WNT5B: variants seen among roughly 807,000 people sequenced by gnomAD.
WNT5B encodes the protein protein Wnt-5b.
In WNT5B, 18 loss-of-function variants were observed where a neutral mutation model predicts 36.5. The ratio of observed to expected loss-of-function variants is 0.49; its 90% CI spans 0.34 to 0.73. The LOEUF is 0.73. Among genes scored for constraint, WNT5B ranks in the 30% least tolerant of loss-of-function variants. WNT5B has a pLI of 0.01. For synonymous variants in WNT5B, 213 were observed against 212.3 expected, an observed-to-expected ratio of 1.00 and a Z score of -0.03; for missense variants, 424 against 508.4, an observed-to-expected ratio of 0.83 and a Z score of 1.60.
In WNT5B at chr12:1,632,870, A is replaced by G. The variant is rs1217429423; in HGVS notation, c.293A>G (p.Asp98Gly). The G allele has an allele frequency of 1.2e-6, 2 of 1,613,950 alleles. No homozygotes were observed. Among genetic ancestry groups the G allele is most frequent in the Non-Finnish European group, 1.7e-6 (2 of 1,179,832 alleles). The change falls in exon 3 of 5, where the codon GAC becomes GGC. Residue 98 changes from aspartate to glycine, a missense_variant. Physicochemically the swap from Asp to Gly is moderately conservative, Grantham distance 94 (BLOSUM62 -1). Coordinates refer to ENST00000397196, the MANE Select transcript of WNT5B (RefSeq NM_032642.3). This position sits in a 1 kb window ranked among gnomAD's most constrained non-coding sequence, Gnocchi z 5.8. ...CGGCGGTGGAATTGCAGCACAGCGGACAACGCATCTGTCTTTGGGAGAGTC... is the reference window on the plus strand; with the variant it reads ...CGGCGGTGGAATTGCAGCACAGCGGGCAACGCATCTGTCTTTGGGAGAGTC... ...RQRRWNCSTA[D>G]NASVFGRVMQ...
rs1001600006 is a variant in WNT5B at position 1,638,000 on chromosome 12, G to T, written c.329-1684G>T. The stretch of plus-strand genomic sequence containing the variant: ...ACGGTGGCTCACGCCTCTAATCCCA[G>T]CACTTTGGGAGGCCCAGGCGGGCGG... On this transcript the variant is annotated intron_variant, in intron 3 of 4. Transcript: ENST00000397196. 1.7e-4 allele frequency among the ~76,000 whole-genome samples: 26 copies of T among 152,182 alleles called. 1 individual carries two copies. Among genetic ancestry groups the T allele is most frequent in the Non-Finnish European group, 3.5e-4 (24 of 68,024 alleles).
chr12:1,644,384 C>G lies in WNT5B; in HGVS notation c.622-1410C>G, dbSNP rs563067723. ...GGATAAGTGCTTGTTATTCTGAGTC[C>G]TTTCTGGGTGGCCTTGGAGGTTAGT... On this transcript the variant is annotated intron_variant, in intron 4 of 4. Transcript: ENST00000397196. The surrounding 1 kb of genome is among the most constrained non-coding windows in gnomAD (Gnocchi z 5.1). 2.1e-4 allele frequency among the ~76,000 whole-genome samples: 32 copies of G among 152,232 alleles called. No individual in the cohort carries two copies. Among genetic ancestry groups the G allele is most frequent in the African/African-American group, 7.5e-4 (31 of 41,530 alleles).
At chr12:1,628,698 T>A (rs1385365499), upstream of WNT5B, among the ~76,000 whole-genome samples, 1 of 152,126 alleles carries the variant, frequency 6.6e-6, no homozygotes, top group African/African-American at 2.4e-5. Flanking sequence ...GCCTTCCCAG[T>A]CGGGTTGAGG....
At chr12:1,643,401 G>T (rs2094578978) in intron 4 of WNT5B, among the ~76,000 whole-genome samples, 1 of 152,130 alleles carries the variant, frequency 6.6e-6, no homozygotes, top group Non-Finnish European at 1.5e-5. Context: ...TTTCGCTCTT[G>T]TTGCCCAGGC....
chr12:1,631,436 T>C lies in WNT5B; in HGVS notation c.80+2T>C. ...TCTGACAGACGCCAACTCCTGGTGG[T>C]GAGTAAGAGGGGCTGAGGTCCTGCC... On this transcript the variant is annotated splice_donor_variant, in intron 2 of 4. Coordinates refer to ENST00000397196, the MANE Select transcript of WNT5B (RefSeq NM_032642.3). LOFTEE classifies it high-confidence loss of function. 1 of 1,613,880 alleles carries C rather than the reference T, an allele frequency of 6.2e-7. No homozygotes were observed. Among genetic ancestry groups the C allele is most frequent in the Non-Finnish European group, 8.5e-7 (1 of 1,179,940 alleles).
chr12:1,623,039 C>A (rs7138832), intron 1 of WNT5B, among the ~76,000 whole-genome samples: 94,204 of 151,594 alleles, frequency 0.62, 29,552 homozygotes, highest in Middle Eastern at 0.75. Flanking sequence ...AAGGAGGTAT[C>A]AGGAGTTTGG....
At chr12:1,638,805 C>G (rs1161921774) in intron 3 of WNT5B, among the ~76,000 whole-genome samples, 1 of 152,158 alleles carries the variant, frequency 6.6e-6, no homozygotes, top group East Asian at 1.9e-4. Context: ...TTGGATTTTT[C>G]TAGACATTGT....
chr12:1,632,549 G>A lies in WNT5B; in HGVS notation c.81-109G>A. ...TACTAATTTTTCTTTCCAGGGCCTT[G>A]TACACAGGGACGCATTCAATAAATG... On this transcript the variant is annotated intron_variant, in intron 2 of 4. Coordinates refer to ENST00000397196, the MANE Select transcript of WNT5B (RefSeq NM_032642.3). The surrounding 1 kb of genome is among the most constrained non-coding windows in gnomAD (Gnocchi z 5.8). 1 of 1,467,482 alleles carries A rather than the reference G, an allele frequency of 6.8e-7. No individual in the cohort carries two copies. Among genetic ancestry groups the A allele is most frequent in the Non-Finnish European group, 9.2e-7 (1 of 1,092,632 alleles). 90.9% of individuals were successfully genotyped at this position (1,467,482 alleles called of 1,614,324 possible).
intron 4 of WNT5B, among the ~76,000 whole-genome samples, chr12:1,641,489 A>C (rs1052504419): frequency 6.6e-6 from 1 of 152,104 alleles, no homozygotes; most frequent in Non-Finnish European, 1.5e-5. Context: ...ATGTCTTTAC[A>C]TAGCAAAATC....
Position 1,639,755 on chromosome 12 carries a change from C to G in WNT5B, c.400C>G (p.Arg134Gly), listed in dbSNP as rs112329239. Residue 134 changes from arginine to glycine, a missense_variant, in exon 4 of 5, where the codon CGC becomes GGC. Transcript: ENST00000397196. Reference protein sequence around the residue: ...GVVNAISRACREGELSTCGCS... With the variant: ...GVVNAISRACGEGELSTCGCS... ...GGTCAACGCCATCAGCCGGGCCTGCCGCGAGGGCGAGCTCTCCACCTGCGG... is the reference window on the plus strand; with the variant it reads ...GGTCAACGCCATCAGCCGGGCCTGCGGCGAGGGCGAGCTCTCCACCTGCGG... 9 of 1,605,536 alleles carry G rather than the reference C, an allele frequency of 5.6e-6. No homozygotes were observed. Among genetic ancestry groups the G allele is most frequent in the South Asian group, 1.1e-5 (1 of 90,412 alleles).
chr12:1,639,993 C>G lies in WNT5B; in HGVS notation c.621+17C>G, dbSNP rs780742438. ...GGTCGCAGGGTAAGCTGGGCCTCCC[C>G]GGCCTCCCCAGCACTGCAGACCTAG... On this transcript the variant is annotated intron_variant, in intron 4 of 4. Coordinates refer to ENST00000397196, the MANE Select transcript of WNT5B (RefSeq NM_032642.3). 22 of 1,601,476 alleles carry G rather than the reference C, an allele frequency of 1.4e-5. No homozygotes were observed. The highest frequency in any genetic ancestry group is 1.9e-5 in the Non-Finnish European group (22 of 1,174,760).
chr12:1,639,139 T>G (rs958351473), intron 3 of WNT5B, among the ~76,000 whole-genome samples: 3 of 151,770 alleles, frequency 2.0e-5, no homozygotes, highest in Non-Finnish European at 4.4e-5. Context: ...TTTTTTGTGT[T>G]TTTTTTTCTT....
At chr12:1,639,571 C>T in intron 3 of WNT5B, 113 bp from the exon 4 acceptor site, 1 of 1,228,066 alleles carries the variant, frequency 8.1e-7, no homozygotes, top group Non-Finnish European at 1.1e-6. Context: ...GCCCCCTGCC[C>T]CAGGGGTGTC....
chr12:1,624,106 G>C (rs138537255), intron 1 of WNT5B, among the ~76,000 whole-genome samples: 1 of 152,182 alleles, frequency 6.6e-6, no homozygotes, highest in Admixed American at 6.5e-5. Flanking sequence ...AAAGAAAGAG[G>C]CTGGGTACCG....
In WNT5B at chr12:1,633,529, T is replaced by C. The variant is rs561039849; in HGVS notation, c.328+624T>C. Among the ~76,000 whole-genome samples, 192 of 152,324 alleles carry C rather than the reference T, an allele frequency of 1.3e-3. 1 individual carries two copies. Among genetic ancestry groups the C allele is most frequent in the African/African-American group, 4.4e-3 (185 of 41,584 alleles). On this transcript the variant is annotated intron_variant, in intron 3 of 4. Transcript: ENST00000397196. The surrounding 1 kb of genome is among the most constrained non-coding windows in gnomAD (Gnocchi z 4.8). ...ATTCCTGTCCCTTCCCCTCTCCCAC[T>C]GCTGGCCAAGGATTCTTGGGCCACC...
rs182874577 is a variant in WNT5B, at chr12:1,623,334, T to C, written c.-58+6191T>C. 7.6e-3 allele frequency among the ~76,000 whole-genome samples: 1,149 copies of C among 150,444 alleles called. 10 individuals carry two copies. Among genetic ancestry groups the C allele is most frequent in the East Asian group, 0.016 (83 of 5,124 alleles). On this transcript the variant is annotated intron_variant, in intron 1 of 4. Transcript: ENST00000310594. Reference sequence around the variant, plus strand: ...CCTCAGCCTCCCGAGTAGCTGGGACTACAGGCGCCCACCACCACACCCAGC... The same window carrying C: ...CCTCAGCCTCCCGAGTAGCTGGGACCACAGGCGCCCACCACCACACCCAGC...
chr12:1,645,130 C>A (rs1012554737), intron 4 of WNT5B: 9 of 148,432 alleles, frequency 6.1e-5, no homozygotes, highest in African/African-American at 2.2e-4. Flanking sequence ...TTTGGGCTAA[C>A]CACGGCTATG....
At chr12:1,637,827 C>T (rs917840590) in intron 3 of WNT5B, among the ~76,000 whole-genome samples, 3 of 151,694 alleles carry the variant, frequency 2.0e-5, no homozygotes, top group Non-Finnish European at 2.9e-5. Flanking sequence ...AAAAAAAGTA[C>T]ATCCCTTAAT....
chr12:1,637,053 A>C (rs968117924), intron 3 of WNT5B, among the ~76,000 whole-genome samples: 1 of 151,842 alleles, frequency 6.6e-6, no homozygotes, highest in Non-Finnish European at 1.5e-5. Flanking sequence ...GGGTACTGCT[A>C]TGTTGCCAAG....
Sources: allele counts gnomAD v4.1 joint callset (sites outside exome capture counted in the v4.1 genomes callset), GRCh38; gene constraint gnomAD v4.1.1; non-coding constraint Gnocchi (gnomAD v3.1); transcripts MANE v1.5; gene names NCBI Gene and HGNC (gene_info 2026-07-23, HGNC 2026-07-21).